ZSWIM5: variants seen among roughly 807,000 people sequenced by gnomAD.
ZSWIM5 encodes zinc finger SWIM domain-containing protein 5.
In ZSWIM5, 55 loss-of-function variants were observed where a neutral mutation model predicts 119.6. The observed-to-expected ratio is 0.46, with a 90% CI of 0.37 to 0.58. The LOEUF (loss-of-function observed/expected upper bound fraction) is 0.58, where lower values mean the gene tolerates loss of function less well. Among genes scored for constraint, ZSWIM5 ranks in the 20% least tolerant of loss-of-function variants. The pLI is 0.00. For missense variants in ZSWIM5, 1,193 were observed against 1,512.8 expected (o/e 0.79, Z 3.51); for synonymous variants, 537 against 606.9 (o/e 0.88, Z 1.69).
At chr1:45,118,160 C>G (rs989899552) in intron 1 of ZSWIM5, among the ~76,000 whole-genome samples, 5 of 152,230 alleles carry the variant, frequency 3.3e-5, no homozygotes, top group African/African-American at 1.2e-4. Context: ...ATATCCCTAT[C>G]ATGATACTCA....
chr1:45,074,026 T>C (rs1038998491), intron 2 of ZSWIM5, among the ~76,000 whole-genome samples: 2 of 152,038 alleles, frequency 1.3e-5, no homozygotes, highest in Admixed American at 1.3e-4. Flanking sequence ...TGATATGATG[T>C]ATCATATTGA....
At chr1:45,156,185 A>T (rs1052108127) in intron 1 of ZSWIM5, among the ~76,000 whole-genome samples, 1 of 152,150 alleles carries the variant, frequency 6.6e-6, no homozygotes, top group Admixed American at 6.6e-5. Context: ...ATTAATGCAG[A>T]AACAGAAAAC....
At position 45,058,756 on chromosome 1, in the gene ZSWIM5, G is replaced by A; in HGVS notation, c.1105C>T (p.Arg369Ter). The A allele has an allele frequency of 3.1e-6, 5 of 1,613,876 alleles. No individual in the cohort carries two copies. The highest frequency in any genetic ancestry group is 4.2e-6 in the Non-Finnish European group (5 of 1,179,992). Residue 369 changes from arginine (R) to a stop codon, truncating the protein, a stop_gained, in exon 4 of 14, where the codon CGA becomes TGA. Coordinates refer to ENST00000359600, the MANE Select transcript of ZSWIM5 (RefSeq NM_020883.2). LOFTEE classifies it high-confidence loss of function. Reference protein sequence around the residue: ...KQLNSMFAKVREMLRMRDSNG... With the variant: ...KQLNSMFAKV The stretch of plus-strand genomic sequence containing the variant: ...GAATCTCTCATCCGCAGCATTTCTC[G>A]AACCTGACACATAAGAAGTGGCAAG...
At chr1:45,092,894 C>T (rs1645376711) in intron 1 of ZSWIM5, among the ~76,000 whole-genome samples, 1 of 152,254 alleles carries the variant, frequency 6.6e-6, no homozygotes, top group Non-Finnish European at 1.5e-5. Flanking sequence ...AGATTTCATA[C>T]TTCTCAGCTG....
At chr1:45,044,810 T>TAA (rs1557746627) in intron 5 of ZSWIM5, among the ~76,000 whole-genome samples, 3 of 10,994 alleles carry the variant, frequency 2.7e-4, no homozygotes, top group Non-Finnish European at 4.8e-4. Flanking sequence ...TATAAATATA[T>TAA]ATATATATAT....
chr1:45,140,153 A>G (rs2149033937), intron 1 of ZSWIM5, among the ~76,000 whole-genome samples: 1 of 152,310 alleles, frequency 6.6e-6, no homozygotes. Flanking sequence ...ATCACTTGAA[A>G]GTAGACGGTG....
At chr1:45,148,082 T>C (rs1047746498) in intron 1 of ZSWIM5, among the ~76,000 whole-genome samples, 2 of 152,182 alleles carry the variant, frequency 1.3e-5, no homozygotes, top group Admixed American at 6.6e-5. Context: ...AATCATTCAT[T>C]ACAGGAGTGG....
At chr1:45,093,385 C>G (rs1031564826) in intron 1 of ZSWIM5, among the ~76,000 whole-genome samples, 2 of 152,080 alleles carry the variant, frequency 1.3e-5, no homozygotes, top group East Asian at 3.8e-4. Flanking sequence ...CAAAATAGAT[C>G]AAAATTAAAA....
chr1:45,128,290 C>T (rs1645632817), intron 1 of ZSWIM5, among the ~76,000 whole-genome samples: 1 of 152,166 alleles, frequency 6.6e-6, no homozygotes, highest in Non-Finnish European at 1.5e-5. Flanking sequence ...ACTCCCTGGG[C>T]TCAAGCAATC....
At chr1:45,051,331 T>C in intron 4 of ZSWIM5, 78 bp from the exon 5 acceptor site, 1 of 1,391,434 alleles carries the variant, frequency 7.2e-7, no homozygotes, top group Admixed American at 2.5e-5. Flanking sequence ...AGTTTCATTT[T>C]TAGATGGTAG....
chr1:45,016,853 A>T lies in ZSWIM5; in HGVS notation c.*1601T>A, dbSNP rs1250169782. Reference sequence around the variant, plus strand: ...CAGGGGTCAGGAAGGTAGCAGGAACATGATACACTATGGAGGTCAGCCAGG... The same window carrying T: ...CAGGGGTCAGGAAGGTAGCAGGAACTTGATACACTATGGAGGTCAGCCAGG... On this transcript the variant is annotated 3_prime_UTR_variant, in exon 14 of 14. Transcript: ENST00000359600. 6.6e-6 allele frequency: 1 copy of T among 152,302 alleles called. No homozygotes were observed. Among genetic ancestry groups the T allele is most frequent in the Non-Finnish European group, 1.5e-5 (1 of 68,098 alleles). 9.4% of individuals were successfully genotyped at this position (152,302 alleles called of 1,614,324 possible).
chr1:45,167,520 A>G (rs1645913507), intron 1 of ZSWIM5, among the ~76,000 whole-genome samples: 1 of 152,098 alleles, frequency 6.6e-6, no homozygotes, highest in Non-Finnish European at 1.5e-5. Context: ...AGAAACTACC[A>G]TCAGGGTGAA....
chr1:45,081,387 T>C (rs960009097), intron 2 of ZSWIM5, among the ~76,000 whole-genome samples: 1 of 152,114 alleles, frequency 6.6e-6, no homozygotes, highest in Non-Finnish European at 1.5e-5. Context: ...ACTGCTGCCA[T>C]CTCAGCTCAC....
At chr1:45,139,463 CCT>C (rs1553197877) in intron 1 of ZSWIM5, among the ~76,000 whole-genome samples, 3 of 141,594 alleles carry the variant, frequency 2.1e-5, no homozygotes, top group South Asian at 4.6e-4. Context: ...CCTCTCCCTC[CCT>C]CTCTCTCTCT....
At chr1:45,173,790 T>C (rs1002505170) in intron 1 of ZSWIM5, among the ~76,000 whole-genome samples, 1 of 152,148 alleles carries the variant, frequency 6.6e-6, no homozygotes, top group Admixed American at 6.6e-5. Context: ...ATTATTGTTA[T>C]GCAAATAAAA....
intron 1 of ZSWIM5, among the ~76,000 whole-genome samples, chr1:45,133,221 G>C (rs1645669098): frequency 6.6e-6 from 1 of 152,214 alleles, no homozygotes; most frequent in South Asian, 2.1e-4. Context: ...CTAGTTTACA[G>C]TCCCACCAAC....
intron 1 of ZSWIM5, among the ~76,000 whole-genome samples, chr1:45,169,856 TA>T (rs567429272): frequency 1.3e-5 from 2 of 151,982 alleles, no homozygotes; most frequent in East Asian, 3.8e-4. Flanking sequence ...CAGCATGCAC[TA>T]AAAAAAGTAT....
At chr1:45,177,114 C>T (rs1386752940) in intron 1 of ZSWIM5, among the ~76,000 whole-genome samples, 1 of 152,066 alleles carries the variant, frequency 6.6e-6, no homozygotes, top group Non-Finnish European at 1.5e-5. Context: ...AGAGCAGTAT[C>T]ATTGTATGAC....
intron 1 of ZSWIM5, among the ~76,000 whole-genome samples, chr1:45,124,485 A>G (rs1645609238): frequency 6.6e-6 from 1 of 152,168 alleles, no homozygotes; most frequent in Non-Finnish European, 1.5e-5. Context: ...TACAAATGCT[A>G]TAGATAGATC....
Sources: allele counts gnomAD v4.1 joint callset (sites outside exome capture counted in the v4.1 genomes callset), GRCh38; gene constraint gnomAD v4.1.1; transcripts MANE v1.5; gene names NCBI Gene and HGNC (gene_info 2026-07-23, HGNC 2026-07-21).